CSMD1: variants seen among roughly 807,000 people sequenced by gnomAD.
CSMD1 encodes the protein CUB and sushi domain-containing protein 1.
CSMD1 carries 213 observed loss-of-function variants against 417.5 expected under a neutral mutation model. The observed-to-expected ratio is 0.51, with a 90% CI of 0.46 to 0.57. The LOEUF (loss-of-function observed/expected upper bound fraction) is 0.57, where lower values mean the gene tolerates loss of function less well. Ranked by LOEUF, CSMD1 falls within the 20% of genes least tolerant of loss-of-function variation. The pLI is 0.00. For missense variants in CSMD1, 6,923 were observed against 4,529.7 expected, an observed-to-expected ratio of 1.53 and a Z score of -15.17; for synonymous variants, 2,862 against 1,736.8, an observed-to-expected ratio of 1.65 and a Z score of -16.11.
chr8:3,906,905 T>C (rs1808153828), intron 5 of CSMD1, among the ~76,000 whole-genome samples: 2 of 152,206 alleles, frequency 1.3e-5, no homozygotes, highest in African/African-American at 2.4e-5. Flanking sequence ...TCCAACATTA[T>C]CCTGAACTTG....
At chr8:3,454,298 T>C (rs923220230) in intron 12 of CSMD1, among the ~76,000 whole-genome samples, 3 of 152,206 alleles carry the variant, frequency 2.0e-5, no homozygotes, top group Non-Finnish European at 4.4e-5. Context: ...AATTGGAGCA[T>C]TTGGCCCATT....
chr8:3,882,937 T>C (rs1459915178), intron 5 of CSMD1, among the ~76,000 whole-genome samples: 4 of 152,178 alleles, frequency 2.6e-5, no homozygotes, highest in East Asian at 3.8e-4. Context: ...CTTGGCCTTG[T>C]ACTGAAGTTT....
chr8:3,601,045 C>A (rs1275792526), intron 8 of CSMD1, among the ~76,000 whole-genome samples: 1 of 152,164 alleles, frequency 6.6e-6, no homozygotes, highest in Non-Finnish European at 1.5e-5. Context: ...TTTCATTCAT[C>A]CCGCATGATA....
intron 6 of CSMD1, among the ~76,000 whole-genome samples, chr8:3,736,677 C>T (rs1448441019): frequency 6.6e-6 from 1 of 152,188 alleles, no homozygotes; most frequent in African/African-American, 2.4e-5. Flanking sequence ...CCTGACTCAG[C>T]TTCCGCAGAA....
chr8:4,759,784 T>A (rs1041073390), intron 1 of CSMD1, among the ~76,000 whole-genome samples: 3 of 152,222 alleles, frequency 2.0e-5, no homozygotes, highest in African/African-American at 7.2e-5. Context: ...ATAGTACATA[T>A]GTACCAGTTT....
intron 26 of CSMD1, among the ~76,000 whole-genome samples, chr8:3,241,202 G>C (rs546674572): frequency 6.6e-5 from 10 of 151,664 alleles, no homozygotes; most frequent in African/African-American, 1.9e-4. Context: ...AAGGGAACTG[G>C]GCAGGTGGGG....
intron 1 of CSMD1, among the ~76,000 whole-genome samples, chr8:4,652,053 G>C (rs1265419275): frequency 6.6e-6 from 1 of 152,180 alleles, no homozygotes; most frequent in Admixed American, 6.5e-5. Flanking sequence ...AGCCATGATT[G>C]AGTCAGGAAG....
chr8:4,799,620 A>G (rs906434378), intron 1 of CSMD1, among the ~76,000 whole-genome samples: 1 of 150,854 alleles, frequency 6.6e-6, no homozygotes, highest in Non-Finnish European at 1.5e-5. Context: ...AAAAAAAAAA[A>G]AAAAAAAAGT....
chr8:4,119,505 G>T (rs150744880), intron 3 of CSMD1, among the ~76,000 whole-genome samples: 1 of 152,184 alleles, frequency 6.6e-6, no homozygotes, highest in Non-Finnish European at 1.5e-5. Context: ...CAATGTCCTG[G>T]TATTTGTAGG....
chr8:3,968,606 G>C (rs775679974), intron 5 of CSMD1, among the ~76,000 whole-genome samples: 24 of 152,138 alleles, frequency 1.6e-4, no homozygotes, highest in African/African-American at 4.8e-4. Context: ...TATTCGCTAA[G>C]GAAGATGTCT....
intron 2 of CSMD1, among the ~76,000 whole-genome samples, chr8:4,631,056 C>T (rs1026296592): frequency 1.3e-5 from 2 of 152,172 alleles, no homozygotes; most frequent in Non-Finnish European, 2.9e-5. Flanking sequence ...ACATCACTCA[C>T]TAGCCAAGCT....
intron 5 of CSMD1, 103 bp from the exon 6 acceptor site, chr8:3,754,145 G>C (rs532210081): frequency 1.8e-5 from 12 of 668,420 alleles, no homozygotes; most frequent in Middle Eastern, 2.7e-4. Flanking sequence ...CCTTCATCTT[G>C]AGATGCTTAA....
In CSMD1 at chr8:4,081,588, C is replaced by G. The variant is rs1393589009; in HGVS notation, c.416-49489G>C. ...ACCTAGTTGACCCAGAACACTATAC[C>G]CAACCACTGCAGAATACATAAATTT... On this transcript the variant is annotated intron_variant, in intron 3 of 69. Coordinates refer to ENST00000635120, the MANE Select transcript of CSMD1 (RefSeq NM_033225.6). Among the ~76,000 whole-genome samples, 7 of 152,094 alleles carry G rather than the reference C, an allele frequency of 4.6e-5. No homozygotes were observed. The East Asian group carries it at 1.4e-3, about 29-fold the overall frequency.
At chr8:4,501,972 G>A (rs1214303301) in intron 2 of CSMD1, among the ~76,000 whole-genome samples, 1 of 152,100 alleles carries the variant, frequency 6.6e-6, no homozygotes, top group African/African-American at 2.4e-5. Context: ...AGGTGTAACT[G>A]AAATGCATTT....
At chr8:3,835,720 CA>C (rs34306675) in intron 5 of CSMD1, among the ~76,000 whole-genome samples, 55,913 of 144,902 alleles carry the variant, frequency 0.39, 11,131 homozygotes, top group African/African-American at 0.53. Context: ...ATAAAATTAA[CA>C]AAAAAAAAAA....
intron 3 of CSMD1, among the ~76,000 whole-genome samples, chr8:4,169,482 G>T (rs888325274): frequency 6.6e-6 from 1 of 152,036 alleles, no homozygotes; most frequent in Non-Finnish European, 1.5e-5. Flanking sequence ...ACTCAATTCT[G>T]ACCACCTCTA....
intron 61 of CSMD1, 26 bp from the exon 62 acceptor site, chr8:2,961,240 A>G: frequency 7.0e-7 from 1 of 1,426,950 alleles, no homozygotes; most frequent in Non-Finnish European, 9.8e-7. Flanking sequence ...TAAAAAGAAA[A>G]GAGGGCACCA....
At chr8:3,253,273 C>A (rs751230074) in intron 26 of CSMD1, among the ~76,000 whole-genome samples, 54 of 152,102 alleles carry the variant, frequency 3.6e-4, no homozygotes, top group Non-Finnish European at 6.9e-4. Context: ...TTTCTGCCTT[C>A]ATTTCGTTAT....
In CSMD1 at chr8:4,637,461, G is replaced by C; in HGVS notation, c.183C>G (p.Ile61Met). The C allele has an allele frequency of 6.2e-7, 1 of 1,613,802 alleles. No homozygotes were observed. Among genetic ancestry groups the C allele is most frequent in the Non-Finnish European group, 8.5e-7 (1 of 1,179,846 alleles). ...TCCTATTGCGCTCGCCCGTGATGATGATCCAGGTGCAGTTGGCATAGTTCG... is the reference window on the plus strand; with the variant it reads ...TCCTATTGCGCTCGCCCGTGATGATCATCCAGGTGCAGTTGGCATAGTTCG... ...GYPNYANCTW[I>M]IITGERNRIQ... The change falls in exon 2 of 70, where the codon ATC becomes ATG. Residue 61 changes from isoleucine to methionine, a missense_variant. Coordinates refer to ENST00000635120, the MANE Select transcript of CSMD1 (RefSeq NM_033225.6).
Sources: allele counts gnomAD v4.1 joint callset (sites outside exome capture counted in the v4.1 genomes callset), GRCh38; gene constraint gnomAD v4.1.1; transcripts MANE v1.5; gene names NCBI Gene and HGNC (gene_info 2026-07-23, HGNC 2026-07-21).